The following BAALC variants were observed in gnomAD, a reference collection of about 807,000 sequenced individuals.
The protein encoded by BAALC is BAALC binder of MAP3K1 and KLF4.
BAALC carries 9 observed loss-of-function variants against 15.5 expected under a neutral mutation model. The ratio of observed to expected loss-of-function variants is 0.58; its 90% CI spans 0.35 to 1.02. BAALC has a LOEUF of 1.02. BAALC is among the 50% of genes least tolerant of loss of function. BAALC has a pLI of 0.02. For synonymous variants in BAALC, 80 were observed against 74.6 expected, an observed-to-expected ratio of 1.07 and a Z score of -0.37; for missense variants, 201 against 192.4, an observed-to-expected ratio of 1.04 and a Z score of -0.27.
chr8:103,194,315 C>T (rs549852316), intron 1 of BAALC, among the ~76,000 whole-genome samples: 7 of 152,286 alleles, frequency 4.6e-5, no homozygotes, highest in Non-Finnish European at 8.8e-5. Flanking sequence ...GAATCTTTTG[C>T]CTTTAAGGAT....
At chr8:103,196,079 A>G (rs572947061) in intron 1 of BAALC, among the ~76,000 whole-genome samples, 2 of 152,270 alleles carry the variant, frequency 1.3e-5, no homozygotes, top group African/African-American at 4.8e-5. Context: ...TGTTATAAAG[A>G]CTGTGAGGTG....
At chr8:103,174,260 C>CAAAAAAAA (rs34745381) in intron 1 of BAALC, among the ~76,000 whole-genome samples, 1 of 126,828 alleles carries the variant, frequency 7.9e-6, no homozygotes, top group Non-Finnish European at 1.7e-5. Flanking sequence ...GGCAAAGCAC[C>CAAAAAAAA]AAAAAAAAAA....
At position 103,183,527 on chromosome 8, in the gene BAALC, C is replaced by A. The variant is rs1229098040; in HGVS notation, c.161-29392C>A. 3 of 690,130 alleles carry A rather than the reference C, an allele frequency of 4.3e-6. No individual in the cohort carries two copies. The African/African-American group carries it at 5.3e-5, about 12-fold the overall frequency. The allele number at this position is 690,130 out of a possible 1,614,324, so 42.8% of individuals were successfully genotyped here. ...GGGAGGTGGGTATGGGACAACTCTG[C>A]AAAACCAGGTAATCTATAGCTTGGG... is the stretch of plus-strand genomic sequence containing the variant. On this transcript the variant is annotated intron_variant, in intron 1 of 2. Transcript: ENST00000309982.
rs1200807603 is a variant in BAALC at position 103,229,725 on chromosome 8, G to A, written c.*1626G>A. On this transcript the variant is annotated 3_prime_UTR_variant, in exon 3 of 3. Transcript: ENST00000309982. ...AGGGTAGGTTTGTGTCTTAAACTAGGTGTTCTAATCAATGTACAAGACTTT... is the reference window on the plus strand; with the variant it reads ...AGGGTAGGTTTGTGTCTTAAACTAGATGTTCTAATCAATGTACAAGACTTT... The A allele has an allele frequency of 6.6e-6, 1 of 152,114 alleles. No homozygotes were observed. Among genetic ancestry groups the A allele is most frequent in the African/African-American group, 2.4e-5 (1 of 41,404 alleles). 9.4% of individuals were successfully genotyped at this position (152,114 alleles called of 1,614,324 possible).
chr8:103,214,670 C>T (rs905735541), intron 2 of BAALC, among the ~76,000 whole-genome samples: 4 of 152,198 alleles, frequency 2.6e-5, no homozygotes, highest in Non-Finnish European at 4.4e-5. Context: ...CAGAATCTCA[C>T]GTTCATTATC....
intron 1 of BAALC, among the ~76,000 whole-genome samples, chr8:103,192,630 C>T (rs16870245): frequency 0.11 from 16,570 of 152,208 alleles, 1,243 homozygotes; most frequent in East Asian, 0.3. Flanking sequence ...ATTTCCAATT[C>T]GGTGAGTCCA....
intron 2 of BAALC, among the ~76,000 whole-genome samples, chr8:103,216,411 A>G (rs114342583): frequency 2.2e-4 from 34 of 152,344 alleles, no homozygotes; most frequent in African/African-American, 6.7e-4. Flanking sequence ...GAACAAAAGA[A>G]TTAAAAATCA....
At chr8:103,141,249 CT>C (rs1810768968) in intron 1 of BAALC, 192 bp downstream of exon 1, 4 of 597,488 alleles carry the variant, frequency 6.7e-6, no homozygotes, top group Non-Finnish European at 1.0e-5. Context: ...ACCAGAGCCC[CT>C]TACCGAAGGC....
chr8:103,153,990 T>A (rs569978333), intron 1 of BAALC, among the ~76,000 whole-genome samples: 2 of 152,310 alleles, frequency 1.3e-5, no homozygotes, highest in East Asian at 3.9e-4. Flanking sequence ...AGCACCTCAA[T>A]AAACAACTGG....
intron 1 of BAALC, among the ~76,000 whole-genome samples, chr8:103,199,183 G>A (rs936051959): frequency 6.6e-6 from 1 of 152,168 alleles, no homozygotes; most frequent in African/African-American, 2.4e-5. Context: ...AAATTGCTGA[G>A]TTATTTTGAT....
At chr8:103,224,115 CTGTGTG>C (rs4002031) in intron 2 of BAALC, among the ~76,000 whole-genome samples, 1 of 150,852 alleles carries the variant, frequency 6.6e-6, no homozygotes, top group Non-Finnish European at 1.5e-5. Context: ...CTGCGTGCGT[CTGTGTG>C]TGTGTGTGTG....
chr8:103,152,282 G>A (rs1811004158), intron 1 of BAALC, among the ~76,000 whole-genome samples: 1 of 152,042 alleles, frequency 6.6e-6, no homozygotes, highest in East Asian at 1.9e-4. Flanking sequence ...TGCTCAGCGT[G>A]TTCCGGCCAC....
At chr8:103,176,830 G>A (rs761368988) in intron 1 of BAALC, among the ~76,000 whole-genome samples, 68 of 152,176 alleles carry the variant, frequency 4.5e-4, no homozygotes, top group Non-Finnish European at 7.3e-5. Context: ...TGAATCAATA[G>A]TTCGAAGGAA....
intron 1 of BAALC, among the ~76,000 whole-genome samples, chr8:103,209,903 G>T (rs112762453): frequency 2.6e-3 from 399 of 152,348 alleles, no homozygotes; most frequent in Non-Finnish European, 4.8e-3. Flanking sequence ...GTCCCTGGAG[G>T]ACACTGAGTA....
At chr8:103,226,316 A>G (rs1457508715) in intron 2 of BAALC, among the ~76,000 whole-genome samples, 1 of 152,234 alleles carries the variant, frequency 6.6e-6, no homozygotes, top group Non-Finnish European at 1.5e-5. Flanking sequence ...TGACCTGTTT[A>G]GGGCCCAAAT....
intron 2 of BAALC, among the ~76,000 whole-genome samples, chr8:103,222,321 A>G (rs551875033): frequency 1.1e-4 from 16 of 151,236 alleles, no homozygotes; most frequent in African/African-American, 3.9e-4. Context: ...GATTTTTCCC[A>G]CAAGAGACTC....
At chr8:103,183,515 G>A in intron 1 of BAALC, 1 of 696,712 alleles carries the variant, frequency 1.4e-6, no homozygotes, top group Non-Finnish European at 2.6e-6. Flanking sequence ...AGGTGGGTAT[G>A]GGACAACTCT....
chr8:103,200,822 C>G (rs1381584427), intron 1 of BAALC: 1 of 616,264 alleles, frequency 1.6e-6, no homozygotes, highest in Non-Finnish European at 3.1e-6. Flanking sequence ...TTCATGAAGA[C>G]AGAACCGTCA....
In BAALC at chr8:103,228,419, T is replaced by G. The variant is rs139545685; in HGVS notation, c.*320T>G. 4.4e-6 allele frequency: 1 copy of G among 224,912 alleles called. No homozygotes were observed. The highest frequency in any genetic ancestry group is 1.1e-4 in the East Asian group (1 of 9,432). The allele number at this position is 224,912 out of a possible 1,614,324, so 13.9% of individuals were successfully genotyped here. The stretch of plus-strand genomic sequence containing the variant: ...TGAGTTAAAGCTACAGGTCAGTTTA[T>G]GAAACAGAAAAGTAGGAATGCATTT... On this transcript the variant is annotated 3_prime_UTR_variant, in exon 3 of 3. Coordinates refer to ENST00000309982, the MANE Select transcript of BAALC (RefSeq NM_024812.3).
Sources: gnomAD v4.1 joint callset for allele counts (sites outside exome capture counted in the v4.1 genomes callset) on GRCh38, gnomAD v4.1.1 for gene constraint, MANE v1.5 for transcripts, NCBI Gene and HGNC (gene_info 2026-07-23, HGNC 2026-07-21) for gene names.